TRPV2: variants seen among roughly 807,000 people sequenced by gnomAD.
The protein encoded by TRPV2 is transient receptor potential cation channel subfamily V member 2.
Under a neutral mutation model 91.0 loss-of-function variants are expected in TRPV2, and 58 were observed. That is an observed-to-expected ratio of 0.64 (90% confidence interval 0.52 to 0.79). The LOEUF (loss-of-function observed/expected upper bound fraction) is 0.79. TRPV2 is among the 30% of genes least tolerant of loss of function. The pLI is 0.00. For synonymous variants in TRPV2, 417 were observed against 414.8 expected, an observed-to-expected ratio of 1.01 and a Z score of -0.06; for missense variants, 807 against 969.6, an observed-to-expected ratio of 0.83 and a Z score of 2.23.
At chr17:16,419,347 T>A (rs1486543579) in intron 2 of TRPV2, 4 of 470,966 alleles carry the variant, frequency 8.5e-6, no homozygotes, top group Non-Finnish European at 1.8e-5. Context: ...AGATTTCTCA[T>A]TAGGTGTGCC....
intron 14 of TRPV2, among the ~76,000 whole-genome samples, chr17:16,436,298 C>G (rs560716864): frequency 5.3e-5 from 8 of 152,342 alleles, no homozygotes; most frequent in Admixed American, 1.3e-4. Context: ...CCTGGAAGGC[C>G]GCACTGCTCA....
chr17:16,430,487 C>CA (rs2093404649), intron 10 of TRPV2, among the ~76,000 whole-genome samples: 21 of 80,480 alleles, frequency 2.6e-4, no homozygotes. Flanking sequence ...AAATGCCTTC[C>CA]TTTTTTTTTT....
intron 3 of TRPV2, 67 bp downstream of exon 3, chr17:16,420,315 G>A: frequency 6.4e-7 from 1 of 1,556,018 alleles, no homozygotes; most frequent in Non-Finnish European, 8.8e-7. Context: ...GGCTGTGTGG[G>A]CTTGATCCCT....
intron 1 of TRPV2, chr17:16,416,831 T>C (rs1369993504): frequency 2.0e-5 from 3 of 152,164 alleles, no homozygotes; most frequent in Admixed American, 6.5e-5. Context: ...AGTCTAGTGG[T>C]TTTCCCAGTT....
Position 16,426,067 on chromosome 17 carries a change from C to A in TRPV2, c.925-32C>A, listed in dbSNP as rs2093381498. On this transcript the variant is annotated intron_variant, in intron 5 of 14. Transcript: ENST00000338560. This position sits in a 1 kb window ranked among gnomAD's most constrained non-coding sequence, Gnocchi z 6.0. ...CCCAGGATCAGTGCCAGGAAGGGAC[C>A]ATGAATGCAAGCTCATATGGCCACC... is the stretch of plus-strand genomic sequence containing the variant. The A allele has an allele frequency of 1.9e-6, 3 of 1,612,568 alleles. No homozygotes were observed. Among genetic ancestry groups the A allele is most frequent in the East Asian group, 4.5e-5 (2 of 44,854 alleles).
intron 12 of TRPV2, 135 bp downstream of exon 12, chr17:16,432,435 C>A: frequency 5.6e-5 from 36 of 637,850 alleles, no homozygotes; most frequent in Non-Finnish European, 7.6e-5. Flanking sequence ...CAGTCTTCCT[C>A]TTCCTTTTTT....
intron 13 of TRPV2, chr17:16,434,638 G>A (rs751076619): frequency 4.4e-6 from 2 of 457,390 alleles, no homozygotes; most frequent in Non-Finnish European, 7.7e-6. Flanking sequence ...GTTGTTCTGG[G>A]CAACCCAGGC....
intron 2 of TRPV2, 76 bp from the exon 3 acceptor site, chr17:16,420,026 ACTCCCTGAAAGGG>A (rs2093348882): frequency 3.2e-6 from 5 of 1,544,582 alleles, no homozygotes; most frequent in Non-Finnish European, 4.4e-6. Flanking sequence ...TGTGTACAGG[ACTCCCTGAAAGGG>A]CTCCCTGGGA....
chr17:16,421,552 T>C (rs2093357328), intron 3 of TRPV2, among the ~76,000 whole-genome samples: 1 of 145,834 alleles, frequency 6.9e-6, no homozygotes, highest in Non-Finnish European at 1.5e-5. Context: ...GACGGAGTCT[T>C]GCTCTGTCAC....
rs1232573904 is a variant in TRPV2 at position 16,417,636 on chromosome 17, C to A, written c.-33C>A. On this transcript the variant is annotated 5_prime_UTR_variant, in exon 2 of 15. Coordinates refer to ENST00000338560, the MANE Select transcript of TRPV2 (RefSeq NM_016113.5). ...TTGACATCTCCATCTGCACAGAGGT[C>A]CTGGCTGGACCGAGCAGCCTCCTCC... 2.5e-6 allele frequency: 4 copies of A among 1,611,462 alleles called. No individual in the cohort carries two copies. Among genetic ancestry groups the A allele is most frequent in the Non-Finnish European group, 3.4e-6 (4 of 1,178,200 alleles).
chr17:16,428,673 C>G, intron 9 of TRPV2, 144 bp from the exon 10 acceptor site: 1 of 875,196 alleles, frequency 1.1e-6, no homozygotes. Context: ...TTATTATGCC[C>G]ATTTTACAGT....
Position 16,426,967 on chromosome 17 carries a change from C to A in TRPV2, c.1251+90C>A. The A allele has an allele frequency of 7.0e-7, 1 of 1,437,160 alleles. No individual in the cohort carries two copies. Among genetic ancestry groups the A allele is most frequent in the Non-Finnish European group, 9.4e-7 (1 of 1,058,788 alleles). The allele number at this position is 1,437,160 out of a possible 1,614,324, so 89.0% of individuals were successfully genotyped here. ...AGATGGGGCAGTAATAGTGCTGAGGCATGGGCTGCTGGAGTGACATTCCCA... is the reference window on the plus strand; with the variant it reads ...AGATGGGGCAGTAATAGTGCTGAGGAATGGGCTGCTGGAGTGACATTCCCA... On this transcript the variant is annotated intron_variant, in intron 7 of 14. Coordinates refer to ENST00000338560, the MANE Select transcript of TRPV2 (RefSeq NM_016113.5). This position sits in a 1 kb window ranked among gnomAD's most constrained non-coding sequence, Gnocchi z 6.0.
chr17:16,421,225 T>C (rs1002798205), intron 3 of TRPV2, among the ~76,000 whole-genome samples: 4 of 152,038 alleles, frequency 2.6e-5, no homozygotes, highest in South Asian at 2.1e-4. Flanking sequence ...CTTTTTTTTT[T>C]TGGAGACGGA....
chr17:16,426,979 G>A lies in TRPV2; in HGVS notation c.1251+102G>A. ...AATAGTGCTGAGGCATGGGCTGCTG[G>A]AGTGACATTCCCAAGCTTATGGGAG... On this transcript the variant is annotated intron_variant, in intron 7 of 14. Transcript: ENST00000338560. The surrounding 1 kb of genome is among the most constrained non-coding windows in gnomAD (Gnocchi z 6.0). 3.7e-6 allele frequency: 5 copies of A among 1,364,420 alleles called. No homozygotes were observed. Among genetic ancestry groups the A allele is most frequent in the Non-Finnish European group, 5.0e-6 (5 of 1,001,792 alleles). The allele number at this position is 1,364,420 out of a possible 1,614,324, so 84.5% of individuals were successfully genotyped here.
chr17:16,431,927 G>T, intron 11 of TRPV2, 39 bp from the exon 12 acceptor site: 1 of 1,611,970 alleles, frequency 6.2e-7, no homozygotes, highest in Middle Eastern at 1.7e-4. Flanking sequence ...CTGCCCACCG[G>T]TCTCCTGGGC....
rs199933390 is a variant in TRPV2 at position 16,432,346 on chromosome 17, G to T, written c.1989+46G>T. 1,035 of 1,551,954 alleles carry T rather than the reference G, an allele frequency of 6.7e-4. 9 individuals carry two copies. In the East Asian group the frequency reaches 0.019, roughly 28 times the overall value. ...TGCCCCCACCCCACCCCACACTCAG[G>T]CGGTGGGGAGTGCTCCGGACCCTGC... On this transcript the variant is annotated intron_variant, in intron 12 of 14. Coordinates refer to ENST00000338560, the MANE Select transcript of TRPV2 (RefSeq NM_016113.5).
intron 10 of TRPV2, among the ~76,000 whole-genome samples, chr17:16,431,279 ATATATATACATATTTTTT>A (rs1568918872): frequency 4.0e-5 from 3 of 74,988 alleles, no homozygotes; most frequent in African/African-American, 1.7e-4. Context: ...ATATATATAT[ATATATATACATATTTTTT>A]TTTTTTTTTT....
At chr17:16,431,286 T>TATATATATAC (rs1491151601) in intron 10 of TRPV2, among the ~76,000 whole-genome samples, 3 of 48,700 alleles carry the variant, frequency 6.2e-5, no homozygotes, top group Admixed American at 2.4e-4. Context: ...TATATATATA[T>TATATATATAC]ACATATTTTT....
chr17:16,422,667 A>C lies in TRPV2; in HGVS notation c.403A>C (p.Ile135Leu). The stretch of plus-strand genomic sequence containing the variant: ...CCTTAAGGACGGAGTCAATGCCTGC[A>C]TTCTGCCACTGCTGCAGATCGACAG... ...LNLKDGVNAC[I>L]LPLLQIDRDS... Residue 135 changes from isoleucine (I) to leucine (L), a missense_variant, in exon 4 of 15, where the codon ATT (isoleucine) becomes CTT (leucine). Ile to Leu is a conservative substitution (Grantham distance 5). Coordinates refer to ENST00000338560, the MANE Select transcript of TRPV2 (RefSeq NM_016113.5). 1 of 1,613,960 alleles carries C rather than the reference A, an allele frequency of 6.2e-7. No homozygotes were observed. The highest frequency in any genetic ancestry group is 8.5e-7 in the Non-Finnish European group (1 of 1,179,934).
Sources: allele counts gnomAD v4.1 joint callset (sites outside exome capture counted in the v4.1 genomes callset), GRCh38; gene constraint gnomAD v4.1.1; non-coding constraint Gnocchi (gnomAD v3.1); transcripts MANE v1.5; gene names NCBI Gene and HGNC (gene_info 2026-07-23, HGNC 2026-07-21).